The following ADAMTS17 variants were observed in gnomAD, a reference collection of about 807,000 sequenced individuals.
ADAMTS17 encodes the protein ADAM metallopeptidase with thrombospondin type 1 motif 17.
In ADAMTS17, 113 loss-of-function variants were observed where a neutral mutation model predicts 141.5. The observed-to-expected ratio is 0.80, with a 90% CI of 0.69 to 0.93. The LOEUF is 0.93. Among genes scored for constraint, ADAMTS17 ranks in the 40% least tolerant of loss-of-function variants. ADAMTS17 has a pLI of 0.00. For missense variants in ADAMTS17, 1,659 were observed against 1,517.9 expected (o/e 1.09, Z -1.54); for synonymous variants, 768 against 630.6 (o/e 1.22, Z -3.27).
At chr15:100,269,922 CCT>C (rs374863498) in intron 4 of ADAMTS17, among the ~76,000 whole-genome samples, 26 of 152,196 alleles carry the variant, frequency 1.7e-4, no homozygotes, top group African/African-American at 6.3e-4. Context: ...AGATCCAGCC[CCT>C]GTTGCTTGTA....
intron 8 of ADAMTS17, among the ~76,000 whole-genome samples, chr15:100,160,386 A>C (rs2039635828): frequency 6.6e-6 from 1 of 152,202 alleles, no homozygotes; most frequent in African/African-American, 2.4e-5. Context: ...AGGGTTTTTC[A>C]AACATGGATG....
At chr15:100,074,990 T>G (rs1470503957) in intron 15 of ADAMTS17, among the ~76,000 whole-genome samples, 1 of 152,224 alleles carries the variant, frequency 6.6e-6, no homozygotes, top group Non-Finnish European at 1.5e-5. Flanking sequence ...TACTATTTAG[T>G]TGGATTTCTT....
chr15:100,049,248 G>A, intron 17 of ADAMTS17, among the ~76,000 whole-genome samples: 1 of 152,234 alleles, frequency 6.6e-6, no homozygotes, highest in Non-Finnish European at 1.5e-5. Flanking sequence ...CCTCAGATCA[G>A]CGGTGTCCTT....
At chr15:100,167,940 C>T (rs185866089) in intron 8 of ADAMTS17, among the ~76,000 whole-genome samples, 1 of 152,336 alleles carries the variant, frequency 6.6e-6, no homozygotes, top group African/African-American at 2.4e-5. Flanking sequence ...CTGGGGCCTG[C>T]TCTGGCCCAG....
intron 4 of ADAMTS17, among the ~76,000 whole-genome samples, chr15:100,264,634 A>T (rs954662644): frequency 3.3e-5 from 5 of 152,230 alleles, no homozygotes; most frequent in African/African-American, 1.2e-4. Flanking sequence ...ACAAAACTGT[A>T]GGAACAAGCT....
chr15:100,082,846 C>T (rs1008749831), intron 15 of ADAMTS17, among the ~76,000 whole-genome samples: 1 of 147,780 alleles, frequency 6.8e-6, no homozygotes, highest in African/African-American at 2.5e-5. Flanking sequence ...GAGGCTGCAG[C>T]TGGGTGGTCT....
intron 15 of ADAMTS17, among the ~76,000 whole-genome samples, chr15:100,077,678 A>G (rs549649805): frequency 6.6e-6 from 1 of 152,326 alleles, no homozygotes; most frequent in South Asian, 2.1e-4. Context: ...ATGGTGAAAT[A>G]CTAAATGCTT....
chr15:100,157,749 C>A (rs1436687838), intron 8 of ADAMTS17, among the ~76,000 whole-genome samples: 1 of 150,240 alleles, frequency 6.7e-6, no homozygotes, highest in Non-Finnish European at 1.5e-5. Flanking sequence ...GACTGCTTGG[C>A]AGAATGGCAA....
At chr15:100,032,497 G>A (rs2030275194) in intron 18 of ADAMTS17, among the ~76,000 whole-genome samples, 1 of 152,110 alleles carries the variant, frequency 6.6e-6, no homozygotes. Flanking sequence ...CAGAGCTTTG[G>A]GCCTTTGGGC....
intron 18 of ADAMTS17, among the ~76,000 whole-genome samples, chr15:100,015,115 G>A (rs771839045): frequency 6.6e-6 from 1 of 152,202 alleles, no homozygotes; most frequent in Non-Finnish European, 1.5e-5. Context: ...ATTATATGAT[G>A]TCTCACTTTG....
intron 8 of ADAMTS17, among the ~76,000 whole-genome samples, chr15:100,184,036 T>TTGC (rs530347722): frequency 0.013 from 1,972 of 152,090 alleles, 40 homozygotes; most frequent in African/African-American, 0.043. Flanking sequence ...AGGGGTTTCA[T>TTGC]TGCTGCTGCT....
chr15:100,330,375 T>C (rs75296146), intron 3 of ADAMTS17, among the ~76,000 whole-genome samples: 7,189 of 152,156 alleles, frequency 0.047, 532 homozygotes, highest in African/African-American at 0.16. Context: ...TCCCCCAGGG[T>C]TTCTGATTCA....
chr15:100,188,966 C>A (rs913638149), intron 8 of ADAMTS17, among the ~76,000 whole-genome samples: 3 of 152,240 alleles, frequency 2.0e-5, no homozygotes, highest in Non-Finnish European at 4.4e-5. Flanking sequence ...CCTGCAGCTG[C>A]AACACTGAGC....
chr15:100,265,909 C>A (rs2043699069), intron 4 of ADAMTS17, among the ~76,000 whole-genome samples: 1 of 152,326 alleles, frequency 6.6e-6, no homozygotes, highest in African/African-American at 2.4e-5. Flanking sequence ...TGGGTGTGGG[C>A]AGGTCATCTG....
chr15:100,084,952 G>A (rs370086687), intron 15 of ADAMTS17, among the ~76,000 whole-genome samples: 29 of 152,266 alleles, frequency 1.9e-4, no homozygotes, highest in South Asian at 1.5e-3. Context: ...TCCTCCAAAG[G>A]AACACAGCTC....
In ADAMTS17 at chr15:100,341,426, G is replaced by A. The variant is rs1369275674; in HGVS notation, c.80-17C>T. ...CGCCGACAGCTGCGGGGAGAGAGGA[G>A]ACGCGTCAGCGCGGCGGGGCCCGCC... On this transcript the variant is annotated splice_polypyrimidine_tract_variant and intron_variant, in intron 1 of 21. Coordinates refer to ENST00000268070, the MANE Select transcript of ADAMTS17 (RefSeq NM_139057.4). 4.9e-6 allele frequency: 5 copies of A among 1,014,464 alleles called. No individual in the cohort carries two copies. In the African/African-American group the frequency reaches 8.7e-5, roughly 18 times the overall value. The allele number at this position is 1,014,464 out of a possible 1,614,324, so 62.8% of individuals were successfully genotyped here. A position where few individuals can be genotyped will look rare whatever the true frequency, so the allele number is the denominator to read the frequency against.
chr15:100,076,665 G>C (rs1251093971), intron 15 of ADAMTS17, among the ~76,000 whole-genome samples: 1 of 152,134 alleles, frequency 6.6e-6, no homozygotes, highest in Non-Finnish European at 1.5e-5. Flanking sequence ...TTAGGACATA[G>C]ATTTATTGAT....
intron 8 of ADAMTS17, among the ~76,000 whole-genome samples, chr15:100,192,330 C>T (rs549532032): frequency 1.4e-4 from 21 of 152,330 alleles, no homozygotes; most frequent in South Asian, 2.1e-4. Context: ...CAGGCAGGAA[C>T]CTGCTGGGAA....
chr15:100,149,098 G>A (rs927136589), intron 10 of ADAMTS17, among the ~76,000 whole-genome samples: 7 of 152,202 alleles, frequency 4.6e-5, no homozygotes, highest in African/African-American at 7.2e-5. Flanking sequence ...GCATATGTAC[G>A]CTCTCCTGCC....
Sources: allele counts gnomAD v4.1 joint callset (sites outside exome capture counted in the v4.1 genomes callset), GRCh38; gene constraint gnomAD v4.1.1; transcripts MANE v1.5; gene names NCBI Gene and HGNC (gene_info 2026-07-23, HGNC 2026-07-21).